The following TMIGD3 variants were observed in gnomAD, a reference collection of about 807,000 sequenced individuals.
The protein encoded by TMIGD3 is transmembrane and immunoglobulin domain containing 3, also known as AD026 protein (AD026).
A neutral mutation model predicts 28.1 loss-of-function variants in TMIGD3; 21 were observed. That is an observed-to-expected ratio of 0.75 (90% confidence interval 0.53 to 1.08). The LOEUF (loss-of-function observed/expected upper bound fraction) is 1.08, where lower values mean the gene tolerates loss of function less well. TMIGD3 is among the 50% of genes least tolerant of loss of function. TMIGD3 has a pLI of 0.00. For missense variants in TMIGD3, 416 were observed against 435.6 expected (o/e 0.96, Z 0.40); for synonymous variants, 151 against 162.1 (o/e 0.93, Z 0.52).
upstream of TMIGD3, among the ~76,000 whole-genome samples, chr1:111,506,865 A>C (rs1312838858): frequency 6.7e-6 from 1 of 150,146 alleles, no homozygotes; most frequent in Non-Finnish European, 1.5e-5. Context: ...TTTTTATTGG[A>C]TCAAGGTACA....
At chr1:111,485,059 A>G (rs528930499) in intron 5 of TMIGD3, among the ~76,000 whole-genome samples, 4 of 152,166 alleles carry the variant, frequency 2.6e-5, no homozygotes, top group South Asian at 4.1e-4. Flanking sequence ...TCCCTTCTCT[A>G]TTTAGGGATG....
At chr1:111,500,294 G>C in intron 1 of TMIGD3, 1 of 1,614,186 alleles carries the variant, frequency 6.2e-7, no homozygotes, top group Non-Finnish European at 8.5e-7. Flanking sequence ...AGTTTGTTCC[G>C]AATGATGTAA....
intron 1 of TMIGD3, among the ~76,000 whole-genome samples, chr1:111,530,978 T>C (rs1656439523): frequency 1.3e-5 from 2 of 152,250 alleles, no homozygotes; most frequent in Non-Finnish European, 2.9e-5. Flanking sequence ...TTTGGCTGTA[T>C]GAAGTTTTGT....
intron 2 of TMIGD3, chr1:111,489,514 G>A: frequency 1.0e-6 from 1 of 954,434 alleles, no homozygotes; most frequent in Non-Finnish European, 1.3e-6. Context: ...TAGCCTCCCA[G>A]ACTGTGGTTT....
chr1:111,509,864 C>T (rs942460267), intron 1 of TMIGD3, among the ~76,000 whole-genome samples: 4 of 152,238 alleles, frequency 2.6e-5, no homozygotes, highest in Admixed American at 6.5e-5. Context: ...AGATCCATTT[C>T]ACAGATAGAA....
chr1:111,512,876 C>T (rs1655738061), intron 1 of TMIGD3, among the ~76,000 whole-genome samples: 1 of 152,216 alleles, frequency 6.6e-6, no homozygotes, highest in South Asian at 2.1e-4. Flanking sequence ...TGCTCTATCC[C>T]TGTTCCAACT....
intron 1 of TMIGD3, among the ~76,000 whole-genome samples, chr1:111,529,943 C>T (rs1309210098): frequency 2.5e-4 from 37 of 146,630 alleles, no homozygotes; most frequent in Middle Eastern, 3.5e-3. Flanking sequence ...CCAGTAGGGG[C>T]GGCCGGGCAG....
intron 1 of TMIGD3, among the ~76,000 whole-genome samples, chr1:111,521,486 T>A (rs926773090): frequency 1.3e-5 from 2 of 152,196 alleles, no homozygotes; most frequent in African/African-American, 2.4e-5. Flanking sequence ...GGTTACATAA[T>A]GGTATCTCAT....
intron 1 of TMIGD3, among the ~76,000 whole-genome samples, chr1:111,502,170 TAA>T: frequency 1.3e-4 from 9 of 68,658 alleles, no homozygotes; most frequent in Admixed American, 8.8e-4. Context: ...ATATTTATTA[TAA>T]TAAATATATA....
intron 1 of TMIGD3, among the ~76,000 whole-genome samples, chr1:111,533,885 T>C (rs1433353607): frequency 2.6e-5 from 4 of 152,180 alleles, no homozygotes; most frequent in Admixed American, 2.6e-4. Flanking sequence ...ATAAACACTT[T>C]GGAGCCAGTA....
intron 1 of TMIGD3, among the ~76,000 whole-genome samples, chr1:111,519,303 T>A (rs1163959706): frequency 3.3e-5 from 5 of 152,218 alleles, no homozygotes; most frequent in Non-Finnish European, 7.3e-5. Context: ...GAGGCTTGGT[T>A]TGAGCACCTA....
Position 111,483,545 on chromosome 1 carries a change from G to C in TMIGD3, c.*142C>G. On this transcript the variant is annotated 3_prime_UTR_variant, in exon 6 of 6. Transcript: ENST00000369716. ...CTCTGACTACCGCCGTTGCTACCTG[G>C]CTGCAAATGATTGTTGTCAAGGATA... 1.3e-6 allele frequency: 1 copy of C among 747,740 alleles called. No individual in the cohort carries two copies. The highest frequency in any genetic ancestry group is 2.3e-6 in the Non-Finnish European group (1 of 429,640). 46.3% of individuals were successfully genotyped at this position (747,740 alleles called of 1,614,324 possible). A position where few individuals can be genotyped will look rare whatever the true frequency, so the allele number is the denominator to read the frequency against.
At chr1:111,494,134 T>G (rs1392946842) in intron 1 of TMIGD3, among the ~76,000 whole-genome samples, 1 of 152,218 alleles carries the variant, frequency 6.6e-6, no homozygotes, top group Non-Finnish European at 1.5e-5. Flanking sequence ...GTCAGACTTA[T>G]AGGAAGTCGG....
upstream of TMIGD3, among the ~76,000 whole-genome samples, chr1:111,507,741 C>T (rs1655558950): frequency 6.6e-6 from 1 of 152,216 alleles, no homozygotes; most frequent in Non-Finnish European, 1.5e-5. Flanking sequence ...AATCAGCTTG[C>T]TCACTTCCTC....
chr1:111,503,890 A>C, upstream of TMIGD3: 1 of 992,564 alleles, frequency 1.0e-6, no homozygotes, highest in Non-Finnish European at 1.2e-6. Flanking sequence ...TTCAGGGACC[A>C]GAGGACAGTG....
chr1:111,512,789 TG>T (rs546275945), intron 1 of TMIGD3, among the ~76,000 whole-genome samples: 135 of 152,286 alleles, frequency 8.9e-4, no homozygotes, highest in Non-Finnish European at 1.6e-3. Context: ...GATACAGACT[TG>T]TTGGGAAGCC....
intron 1 of TMIGD3, among the ~76,000 whole-genome samples, chr1:111,513,878 G>A (rs1223315924): frequency 6.6e-6 from 1 of 152,166 alleles, no homozygotes; most frequent in African/African-American, 2.4e-5. Context: ...TATGCTGTCT[G>A]CAAACTGGAA....
chr1:111,541,282 G>A (rs530288757), intron 1 of TMIGD3, among the ~76,000 whole-genome samples: 3 of 152,188 alleles, frequency 2.0e-5, no homozygotes, highest in Admixed American at 2.0e-4. Flanking sequence ...AACCATAATG[G>A]GATTGATTAA....
chr1:111,530,257 C>G (rs1362448331), intron 1 of TMIGD3, among the ~76,000 whole-genome samples: 1 of 151,986 alleles, frequency 6.6e-6, no homozygotes, highest in African/African-American at 2.4e-5. Flanking sequence ...ATCCATTTTC[C>G]CTTCCTTGTG....
Sources: gnomAD v4.1 joint callset for allele counts (sites outside exome capture counted in the v4.1 genomes callset) on GRCh38, gnomAD v4.1.1 for gene constraint, MANE v1.5 for transcripts, NCBI Gene and HGNC (gene_info 2026-07-23, HGNC 2026-07-21) for gene names.